Variants in GALNTL6 observed in about 807,000 individuals in gnomAD.
GALNTL6 encodes the protein polypeptide N-acetylgalactosaminyltransferase-like 6.
GALNTL6 carries 46 observed loss-of-function variants against 73.7 expected under a neutral mutation model. The observed-to-expected ratio is 0.62, with a 90% CI of 0.49 to 0.80. The LOEUF is 0.80. Ranked by LOEUF, GALNTL6 falls within the 30% of genes least tolerant of loss-of-function variation. The probability of loss-of-function intolerance (pLI) is 0.00; values close to 1 mark genes in which losing one functional copy is unlikely to be tolerated. For synonymous variants in GALNTL6, 259 were observed against 263.7 expected (o/e 0.98, Z 0.17); for missense variants, 604 against 755.0 (o/e 0.80, Z 2.34).
At chr4:171,923,564 A>AT (rs33929033) in intron 2 of GALNTL6, among the ~76,000 whole-genome samples, 123,447 of 137,858 alleles carry the variant, frequency 0.9, 55,915 homozygotes, top group Non-Finnish European at 0.97. Flanking sequence ...CTCCCGGCTA[A>AT]TTTTTTTTTT....
At chr4:172,392,329 C>T (rs1316496074) in intron 5 of GALNTL6, among the ~76,000 whole-genome samples, 3 of 152,108 alleles carry the variant, frequency 2.0e-5, no homozygotes, top group Non-Finnish European at 2.9e-5. Context: ...TTACACATAC[C>T]AGAATTTTTA....
At chr4:172,629,321 A>G (rs1227723254) in intron 5 of GALNTL6, among the ~76,000 whole-genome samples, 1 of 152,184 alleles carries the variant, frequency 6.6e-6, no homozygotes, top group African/African-American at 2.4e-5. Flanking sequence ...TTTATTATTT[A>G]TGGACAAGCA....
At chr4:172,521,239 T>C (rs1464497560) in intron 5 of GALNTL6, among the ~76,000 whole-genome samples, 1 of 152,134 alleles carries the variant, frequency 6.6e-6, no homozygotes. Context: ...ATCTGTTTTG[T>C]CCTACACTGC....
chr4:172,582,300 A>G (rs1737221560), intron 5 of GALNTL6, among the ~76,000 whole-genome samples: 1 of 152,192 alleles, frequency 6.6e-6, no homozygotes, highest in Non-Finnish European at 1.5e-5. Flanking sequence ...TGGGCAGGTT[A>G]TTTAAACTTT....
intron 5 of GALNTL6, among the ~76,000 whole-genome samples, chr4:172,445,251 A>G (rs1731978681): frequency 1.3e-5 from 2 of 152,214 alleles, no homozygotes; most frequent in African/African-American, 4.8e-5. Flanking sequence ...TGTCATTACA[A>G]GAAGGTTCCC....
chr4:172,846,539 A>C (rs1743517294), intron 7 of GALNTL6, among the ~76,000 whole-genome samples: 1 of 151,746 alleles, frequency 6.6e-6, no homozygotes, highest in Non-Finnish European at 1.5e-5. Flanking sequence ...TTCAACAATA[A>C]TAGCAATAGA....
intron 2 of GALNTL6, among the ~76,000 whole-genome samples, chr4:171,965,684 G>A (rs115606500): frequency 0.016 from 1,978 of 125,868 alleles, 50 homozygotes; most frequent in African/African-American, 0.053. Context: ...AAGAAGAAGA[G>A]TCAATGGGAT....
intron 8 of GALNTL6, among the ~76,000 whole-genome samples, chr4:172,899,066 A>G (rs1283418730): frequency 1.3e-5 from 2 of 152,158 alleles, no homozygotes; most frequent in Non-Finnish European, 2.9e-5. Context: ...CTAGAGTTGT[A>G]AGCCCTTAAA....
At chr4:172,013,152 C>T (rs1396670888) in intron 2 of GALNTL6, among the ~76,000 whole-genome samples, 2 of 152,062 alleles carry the variant, frequency 1.3e-5, no homozygotes, top group African/African-American at 4.8e-5. Flanking sequence ...CCCATCACCT[C>T]AAACATTTAT....
chr4:171,869,178 G>A (rs1183449605), intron 2 of GALNTL6, among the ~76,000 whole-genome samples: 1 of 152,092 alleles, frequency 6.6e-6, no homozygotes, highest in Non-Finnish European at 1.5e-5. Flanking sequence ...ATTCTCAGAG[G>A]AATGCCTTGT....
intron 4 of GALNTL6, among the ~76,000 whole-genome samples, chr4:172,321,180 G>A (rs572007404): frequency 7.1e-4 from 108 of 152,158 alleles, no homozygotes; most frequent in Non-Finnish European, 1.4e-3. Flanking sequence ...ATAGAGTTAG[G>A]TACTATCTGC....
intron 5 of GALNTL6, among the ~76,000 whole-genome samples, chr4:172,382,258 C>G (rs895946399): frequency 6.6e-6 from 1 of 151,658 alleles, no homozygotes; most frequent in African/African-American, 2.4e-5. Context: ...AGTGAGCCAC[C>G]ACGCCCAGCC....
chr4:172,970,410 A>G lies in GALNTL6; in HGVS notation c.1371+18152A>G, dbSNP rs1405409872. 2.0e-5 allele frequency among the ~76,000 whole-genome samples: 3 copies of G among 152,260 alleles called. No individual in the cohort carries two copies. The South Asian group carries it at 6.2e-4, about 32-fold the overall frequency. ...CTTATCTCACCACATAAGACAGACA[A>G]TCCCAGAGTGGCCATTTATAGACCT... On this transcript the variant is annotated intron_variant, in intron 10 of 12. Transcript: ENST00000506823.
chr4:172,731,215 T>C (rs547028368), intron 5 of GALNTL6, among the ~76,000 whole-genome samples: 3 of 152,274 alleles, frequency 2.0e-5, no homozygotes, highest in South Asian at 2.1e-4. Flanking sequence ...ATTACAGCTT[T>C]GATCTAATTA....
chr4:172,578,510 G>A (rs186705623), intron 5 of GALNTL6, among the ~76,000 whole-genome samples: 1 of 152,292 alleles, frequency 6.6e-6, no homozygotes, highest in East Asian at 1.9e-4. Context: ...CCAAAGAAGA[G>A]GAATGTCTCC....
intron 3 of GALNTL6, among the ~76,000 whole-genome samples, chr4:172,244,354 A>G (rs1737552513): frequency 6.6e-6 from 1 of 152,158 alleles, no homozygotes. Flanking sequence ...TAAAATAAAA[A>G]CAGCAGTGTA....
rs553797390 is a variant in GALNTL6, at chr4:172,617,953, A to C, written c.554-191408A>C. 5.9e-5 allele frequency among the ~76,000 whole-genome samples: 9 copies of C among 152,268 alleles called. No individual in the cohort carries two copies. In the South Asian group the frequency reaches 1.7e-3, roughly 28 times the overall value. The stretch of plus-strand genomic sequence containing the variant: ...GCTCCAACATGCACCTCTAGGATAA[A>C]TTATTAATTCCTCCATCTGGAACCC... On this transcript the variant is annotated intron_variant, in intron 5 of 12. Coordinates refer to ENST00000506823, the MANE Select transcript of GALNTL6 (RefSeq NM_001034845.3).
At chr4:172,381,150 T>G (rs1743269574) in intron 5 of GALNTL6, among the ~76,000 whole-genome samples, 1 of 152,232 alleles carries the variant, frequency 6.6e-6, no homozygotes, top group African/African-American at 2.4e-5. Flanking sequence ...TTTTTATTAT[T>G]TGTTATTTTC....
At position 172,776,137 on chromosome 4, in the gene GALNTL6, G is replaced by A. The variant is rs77495924; in HGVS notation, c.554-33224G>A. Among the ~76,000 whole-genome samples the A allele has an allele frequency of 1.4e-3, 210 of 152,292 alleles. 1 individual carries two copies. Among genetic ancestry groups the A allele is most frequent in the Non-Finnish European group, 2.6e-3 (175 of 68,014 alleles). ...CCACGGAAACTGAGATAATTAATGT[G>A]TGCTGTTTTAAGCTGCTAAATTTGT... On this transcript the variant is annotated intron_variant, in intron 5 of 12. Transcript: ENST00000506823.
Sources: allele counts gnomAD v4.1 joint callset (sites outside exome capture counted in the v4.1 genomes callset), GRCh38; gene constraint gnomAD v4.1.1; transcripts MANE v1.5; gene names NCBI Gene and HGNC (gene_info 2026-07-23, HGNC 2026-07-21).